Variants in MGST1 observed in about 807,000 individuals in gnomAD.
MGST1 encodes glutathione S-transferase 12.
Under a neutral mutation model 8.9 loss-of-function variants are expected in MGST1, and 5 were observed. That is an observed-to-expected ratio of 0.56 (90% CI 0.29 to 1.19). The LOEUF is 1.19. Ranked by LOEUF, MGST1 falls within the 50% of genes most tolerant of loss-of-function variation. MGST1 has a pLI of 0.08. For synonymous variants in MGST1, 54 were observed against 67.8 expected, an observed-to-expected ratio of 0.80 and a Z score of 1.00; for missense variants, 182 against 187.4, an observed-to-expected ratio of 0.97 and a Z score of 0.17.
intron 1 of MGST1, among the ~76,000 whole-genome samples, chr12:16,418,018 T>A (rs1940801087): frequency 6.6e-6 from 1 of 152,142 alleles, no homozygotes; most frequent in African/African-American, 2.4e-5. Flanking sequence ...TCCATGCTCC[T>A]TGCTGTAGGG....
intron 4 of MGST1, among the ~76,000 whole-genome samples, chr12:16,526,718 T>A (rs750214218): frequency 2.0e-5 from 3 of 151,834 alleles, no homozygotes; most frequent in Non-Finnish European, 4.4e-5. Context: ...GGTCTTGGGA[T>A]TTACGTCTGA....
intron 4 of MGST1, among the ~76,000 whole-genome samples, chr12:16,473,335 A>G (rs1401365047): frequency 6.6e-6 from 1 of 152,188 alleles, no homozygotes; most frequent in Admixed American, 6.5e-5. Context: ...CCAATGAAGA[A>G]TTGTCTTGCC....
chr12:16,395,811 A>ATATATATATT (rs1247749625), intron 1 of MGST1, among the ~76,000 whole-genome samples: 1 of 141,404 alleles, frequency 7.1e-6, no homozygotes, highest in African/African-American at 3.0e-5. Flanking sequence ...ATATACACAC[A>ATATATATATT]CACACACACA....
downstream of MGST1, among the ~76,000 whole-genome samples, chr12:16,380,771 G>A (rs141666476): frequency 3.5e-3 from 533 of 152,184 alleles, 4 homozygotes; most frequent in African/African-American, 0.012. Flanking sequence ...TTATTGTGTG[G>A]GAGTCTAAGT....
At chr12:16,574,504 T>G (rs1274973050) in intron 4 of MGST1, among the ~76,000 whole-genome samples, 1 of 152,192 alleles carries the variant, frequency 6.6e-6, no homozygotes, top group Admixed American at 6.5e-5. Context: ...TTGGTATTTT[T>G]TCTTATAGTC....
At chr12:16,510,962 G>A (rs1057465759) in intron 4 of MGST1, among the ~76,000 whole-genome samples, 6 of 151,640 alleles carry the variant, frequency 4.0e-5, no homozygotes, top group African/African-American at 1.4e-4. Context: ...TAAACTATGA[G>A]GCAAAAATTA....
chr12:16,550,940 T>C, intron 4 of MGST1: 1 of 345,246 alleles, frequency 2.9e-6, no homozygotes, highest in Non-Finnish European at 5.4e-6. Flanking sequence ...TATACAATAG[T>C]CCAAAATAAA....
rs114219532 is a variant in MGST1 at position 16,517,679 on chromosome 12, A to G, written n.483-71849A>G. ...GGCCATGACAGAGTGTTGCAAGCCA[A>G]CTTGGCTTGTGCTCATCTAAGCACT... On this transcript the variant is annotated intron_variant and non_coding_transcript_variant, in intron 4 of 4. Coordinates refer to the MGST1 transcript ENST00000538857. The surrounding 1 kb of genome is among the most constrained non-coding windows in gnomAD (Gnocchi z 4.2). Among the ~76,000 whole-genome samples, 2,917 of 152,294 alleles carry G rather than the reference A, an allele frequency of 0.019. 79 individuals are homozygous for G. The highest frequency in any genetic ancestry group is 0.057 in the African/African-American group (2,379 of 41,540).
intron 4 of MGST1, among the ~76,000 whole-genome samples, chr12:16,563,334 G>T (rs1020162806): frequency 6.6e-6 from 1 of 152,080 alleles, no homozygotes; most frequent in Non-Finnish European, 1.5e-5. Flanking sequence ...ACAAACCCAG[G>T]ATTCTCTGGG....
chr12:16,516,975 A>G (rs577986770), intron 4 of MGST1, among the ~76,000 whole-genome samples: 113 of 152,310 alleles, frequency 7.4e-4, no homozygotes, highest in Non-Finnish European at 1.5e-3. Context: ...CACTCAGTAC[A>G]TTATTTGATT....
chr12:16,354,169 A>G, intron 1 of MGST1, 62 bp from the exon 2 acceptor site: 1 of 1,209,100 alleles, frequency 8.3e-7, no homozygotes, highest in South Asian at 1.6e-5. Flanking sequence ...ACATCAAATG[A>G]TCTTCCAGTT....
At chr12:16,355,937 C>T (rs1490382702) in intron 2 of MGST1, among the ~76,000 whole-genome samples, 1 of 152,132 alleles carries the variant, frequency 6.6e-6, no homozygotes, top group African/African-American at 2.4e-5. Flanking sequence ...ATCAAGATGC[C>T]AGCAGATCTG....
chr12:16,573,607 C>G (rs1942896064), intron 4 of MGST1: 1 of 152,094 alleles, frequency 6.6e-6, no homozygotes, highest in South Asian at 2.1e-4. Flanking sequence ...AGAATCAATC[C>G]CATGAAAGCA....
intron 4 of MGST1, among the ~76,000 whole-genome samples, chr12:16,506,037 G>T (rs1291626707): frequency 6.6e-6 from 1 of 152,134 alleles, no homozygotes; most frequent in East Asian, 1.9e-4. Context: ...TAAATGATTA[G>T]CTCCAATTAT....
chr12:16,573,454 T>C (rs1053972904), intron 4 of MGST1: 1 of 152,198 alleles, frequency 6.6e-6, no homozygotes, highest in Non-Finnish European at 1.5e-5. Flanking sequence ...TATGTGCTTG[T>C]GTGTCCACAT....
chr12:16,453,246 C>T (rs1941144166), intron 4 of MGST1, among the ~76,000 whole-genome samples: 1 of 151,862 alleles, frequency 6.6e-6, no homozygotes, highest in African/African-American at 2.4e-5. Flanking sequence ...TCCTTTTAGA[C>T]TTCAAAGAGA....
Position 16,546,531 on chromosome 12 carries a change from G to C in MGST1, n.483-42997G>C, listed in dbSNP as rs1013201967. Among the ~76,000 whole-genome samples the C allele has an allele frequency of 2.6e-5, 4 of 152,190 alleles. No homozygotes were observed. The highest frequency in any genetic ancestry group is 9.6e-5 in the African/African-American group (4 of 41,544). The stretch of plus-strand genomic sequence containing the variant: ...TGGTCTTTATAATTTTGTGCATTAC[G>C]TGATCTGCACGCCCAAAACAGGAGT... On this transcript the variant is annotated intron_variant and non_coding_transcript_variant, in intron 4 of 4. Coordinates refer to the MGST1 transcript ENST00000538857. The surrounding 1 kb of genome is among the most constrained non-coding windows in gnomAD (Gnocchi z 4.7).
intron 4 of MGST1, among the ~76,000 whole-genome samples, chr12:16,533,144 A>G (rs7298697): frequency 0.048 from 7,232 of 152,122 alleles, 602 homozygotes; most frequent in African/African-American, 0.17. Flanking sequence ...GTTTTGCTTC[A>G]TTTTGTTTTG....
At chr12:16,375,027 T>A (rs1035021272) in intron 3 of MGST1, among the ~76,000 whole-genome samples, 1 of 152,122 alleles carries the variant, frequency 6.6e-6, no homozygotes, top group Non-Finnish European at 1.5e-5. Flanking sequence ...ACAACAGGCA[T>A]GCACCACCAT....
Sources: gnomAD v4.1 joint callset for allele counts (sites outside exome capture counted in the v4.1 genomes callset) on GRCh38, gnomAD v4.1.1 for gene constraint, Gnocchi (gnomAD v3.1) non-coding constraint, MANE v1.5 for transcripts, NCBI Gene and HGNC (gene_info 2026-07-23, HGNC 2026-07-21) for gene names.